Variants in JAK1 observed in about 807,000 individuals in gnomAD.
The protein encoded by JAK1 is tyrosine-protein kinase JAK1.
A neutral mutation model predicts 136.6 loss-of-function variants in JAK1; 16 were observed. The observed-to-expected ratio is 0.12, with a 90% CI of 0.08 to 0.18. The LOEUF (loss-of-function observed/expected upper bound fraction) is 0.18, where lower values mean the gene tolerates loss of function less well. Among genes scored for constraint, JAK1 ranks in the 10% least tolerant of loss-of-function variants. The probability of loss-of-function intolerance (pLI) is 1.00; values close to 1 mark genes in which losing one functional copy is unlikely to be tolerated. For synonymous variants in JAK1, 492 were observed against 519.5 expected (o/e 0.95, Z 0.72); for missense variants, 859 against 1,450.1 (o/e 0.59, Z 6.62).
At chr1:64,866,093 A>G (rs1656686901) in intron 7 of JAK1, among the ~76,000 whole-genome samples, 1 of 152,220 alleles carries the variant, frequency 6.6e-6, no homozygotes, top group Non-Finnish European at 1.5e-5. Flanking sequence ...TACAGTAATA[A>G]TAATTGTAAC....
chr1:64,878,956 G>A, intron 4 of JAK1, 69 bp downstream of exon 4: 1 of 1,509,910 alleles, frequency 6.6e-7, no homozygotes, highest in Non-Finnish European at 9.0e-7. Flanking sequence ...GTGACTCAGG[G>A]CTCCAGGCTG....
At chr1:65,041,094 G>A (rs530280978) in intron 2 of JAK1, among the ~76,000 whole-genome samples, 2 of 152,288 alleles carry the variant, frequency 1.3e-5, no homozygotes, top group African/African-American at 4.8e-5. Context: ...CCAAACTGAT[G>A]GCAGGCAGAG....
intron 2 of JAK1, among the ~76,000 whole-genome samples, chr1:65,014,835 C>A (rs1473520071): frequency 1.3e-5 from 2 of 152,056 alleles, no homozygotes; most frequent in African/African-American, 4.8e-5. Flanking sequence ...CAGGCGCCCG[C>A]CACCACGCCC....
At chr1:64,949,042 G>A (rs1377060486) in intron 1 of JAK1, among the ~76,000 whole-genome samples, 1 of 152,186 alleles carries the variant, frequency 6.6e-6, no homozygotes, top group African/African-American at 2.4e-5. Flanking sequence ...GAAAGGGAAT[G>A]GAAGGAAAGG....
intron 1 of JAK1, chr1:64,918,467 C>T (rs1301223676): frequency 6.5e-6 from 1 of 153,084 alleles, no homozygotes; most frequent in East Asian, 1.9e-4. Flanking sequence ...CTTGGTCAGG[C>T]CAAGGAACTG....
At chr1:64,845,756 T>A in intron 14 of JAK1, 116 bp from the exon 15 acceptor site, 1 of 1,264,718 alleles carries the variant, frequency 7.9e-7, no homozygotes, top group Non-Finnish European at 1.1e-6. Context: ...TACACAGATA[T>A]CCTTGGGGGG....
chr1:64,879,003 A>C, intron 4 of JAK1, 22 bp downstream of exon 4: 1 of 1,612,602 alleles, frequency 6.2e-7, no homozygotes, highest in Non-Finnish European at 8.5e-7. Flanking sequence ...CCAGGCAGGT[A>C]CCAGGTCAGT....
intron 2 of JAK1, among the ~76,000 whole-genome samples, chr1:65,014,151 G>T (rs1646873051): frequency 6.6e-6 from 1 of 151,960 alleles, no homozygotes; most frequent in Admixed American, 6.6e-5. Context: ...ATATGAAAGA[G>T]AAATTAAAAT....
At chr1:64,905,029 C>T (rs1377789338) in intron 1 of JAK1, among the ~76,000 whole-genome samples, 2 of 152,156 alleles carry the variant, frequency 1.3e-5, no homozygotes, top group African/African-American at 4.8e-5. Flanking sequence ...AATATGGTCA[C>T]CTAGGGAACA....
At chr1:64,949,641 A>C (rs1646047260) in intron 1 of JAK1, among the ~76,000 whole-genome samples, 2 of 152,218 alleles carry the variant, frequency 1.3e-5, no homozygotes, top group African/African-American at 4.8e-5. Context: ...TTGACATGTT[A>C]CTTGCCAGTG....
chr1:64,908,450 A>C (rs948663140), intron 1 of JAK1, among the ~76,000 whole-genome samples: 1 of 152,070 alleles, frequency 6.6e-6, no homozygotes, highest in Admixed American at 6.5e-5. Flanking sequence ...CTTCCTTCTC[A>C]TTTGTTCCAA....
rs1655081747 is a variant in JAK1, at chr1:64,844,160, G to A, written c.2307C>T (p.Asn769=). ...IAPECVEDSK[N]LSVAADKWSF... ...TCCACTTGTCAGCAGCCACACTCAGGTTCTTGGAGTCCTCAACACACTCAG... is the reference window on the plus strand; with the variant it reads ...TCCACTTGTCAGCAGCCACACTCAGATTCTTGGAGTCCTCAACACACTCAG... Residue 769 remains asparagine, a synonymous_variant, in exon 17 of 25, where the codon AAC becomes AAT. Transcript: ENST00000342505. This position sits in a 1 kb window ranked among gnomAD's most constrained non-coding sequence, Gnocchi z 5.7. The A allele has an allele frequency of 6.2e-7, 1 of 1,614,212 alleles. No individual in the cohort carries two copies. The highest frequency in any genetic ancestry group is 2.2e-5 in the East Asian group (1 of 44,886).
intron 2 of JAK1, among the ~76,000 whole-genome samples, chr1:65,043,391 C>CT (rs1477083583): frequency 1.3e-5 from 2 of 151,984 alleles, no homozygotes; most frequent in Non-Finnish European, 2.9e-5. Context: ...AATAGAAAAA[C>CT]TTTTTTAAAT....
At position 64,997,671 on chromosome 1, in the gene JAK1, T is replaced by G. The variant is rs375905445; in HGVS notation, c.-78+46809A>C. Among the ~76,000 whole-genome samples the G allele has an allele frequency of 3.0e-4, 45 of 152,162 alleles. 1 individual carries two copies. In the East Asian group the frequency reaches 6.0e-3, roughly 20 times the overall value. ...TAAACAAGGACAACGGCATAATGGG[T>G]TTATAATGGTTGCAGAGAATGGTGG... On this transcript the variant is annotated intron_variant, in intron 2 of 25. Transcript: ENST00000671954.
At chr1:64,846,781 G>C (rs753732604) in intron 13 of JAK1, 45 bp from the exon 14 acceptor site, 3 of 1,505,250 alleles carry the variant, frequency 2.0e-6, no homozygotes, top group African/African-American at 1.4e-5. Context: ...CAGCCTCCAG[G>C]GGGCTGCTCC....
chr1:64,929,242 G>A (rs902676063), intron 1 of JAK1, among the ~76,000 whole-genome samples: 10 of 152,306 alleles, frequency 6.6e-5, no homozygotes, highest in African/African-American at 2.4e-4. Context: ...GTAATAAAAA[G>A]AGTGACCATA....
At chr1:64,857,011 T>C (rs576242426) in intron 10 of JAK1, among the ~76,000 whole-genome samples, 1 of 152,348 alleles carries the variant, frequency 6.6e-6, no homozygotes, top group Admixed American at 6.5e-5. Flanking sequence ...GTAGTTTTTT[T>C]AATTACATGA....
chr1:64,913,844 T>C (rs965323957), intron 1 of JAK1, among the ~76,000 whole-genome samples: 3 of 151,712 alleles, frequency 2.0e-5, no homozygotes, highest in Non-Finnish European at 2.9e-5. Flanking sequence ...TGCAGAAAAA[T>C]AGATATTAAA....
In JAK1 at chr1:64,984,819, T is replaced by C. The variant is rs1472028889; in HGVS notation, c.-78+59661A>G. Reference sequence around the variant, plus strand: ...GATAATAAAAACGTAGGCTCCTAAATAGTAAGCAGCAGAAGGGAAAAGCAA... The same window carrying C: ...GATAATAAAAACGTAGGCTCCTAAACAGTAAGCAGCAGAAGGGAAAAGCAA... On this transcript the variant is annotated intron_variant, in intron 2 of 25. Transcript: ENST00000671954. The surrounding 1 kb of genome is among the most constrained non-coding windows in gnomAD (Gnocchi z 4.1). The C allele has an allele frequency of 2.7e-6, 3 of 1,113,490 alleles. No homozygotes were observed. Among genetic ancestry groups the C allele is most frequent in the Non-Finnish European group, 4.0e-6 (3 of 742,490 alleles). 69.0% of individuals were successfully genotyped at this position (1,113,490 alleles called of 1,614,324 possible).
Sources: gnomAD v4.1 joint callset for allele counts (sites outside exome capture counted in the v4.1 genomes callset) on GRCh38, gnomAD v4.1.1 for gene constraint, Gnocchi (gnomAD v3.1) non-coding constraint, MANE v1.5 for transcripts, NCBI Gene and HGNC (gene_info 2026-07-23, HGNC 2026-07-21) for gene names.